Variants in GPC5 observed in about 807,000 individuals in gnomAD.
GPC5 encodes glypican-5.
In GPC5, 47 loss-of-function variants were observed where a neutral mutation model predicts 53.9. That is an observed-to-expected ratio of 0.87 (90% CI 0.69 to 1.11). GPC5 has a LOEUF of 1.11. Among genes scored for constraint, GPC5 ranks in the 50% most tolerant of loss-of-function variants. GPC5 has a pLI of 0.00. For missense variants in GPC5, 748 were observed against 713.1 expected (o/e 1.05, Z -0.56); for synonymous variants, 286 against 263.3 (o/e 1.09, Z -0.84).
intron 7 of GPC5, among the ~76,000 whole-genome samples, chr13:92,317,486 T>TTTTTG (rs1441510958): frequency 3.3e-5 from 5 of 151,968 alleles, no homozygotes; most frequent in East Asian, 3.9e-4. Flanking sequence ...TGTTTTTTGT[T>TTTTTG]TTTTGTTTTG....
chr13:92,519,385 A>T (rs924269762), intron 7 of GPC5, among the ~76,000 whole-genome samples: 1 of 152,006 alleles, frequency 6.6e-6, no homozygotes, highest in Non-Finnish European at 1.5e-5. Context: ...GAAGTAAAAC[A>T]CTCCTCAGCA....
intron 2 of GPC5, among the ~76,000 whole-genome samples, chr13:91,680,513 T>A (rs574041799): frequency 1.3e-5 from 2 of 152,280 alleles, no homozygotes; most frequent in African/African-American, 4.8e-5. Context: ...GCATAACTTA[T>A]GAACTAACAT....
chr13:91,550,626 A>T (rs1288928311), intron 2 of GPC5, among the ~76,000 whole-genome samples: 1 of 152,150 alleles, frequency 6.6e-6, no homozygotes, highest in Non-Finnish European at 1.5e-5. Flanking sequence ...TGGGCACATC[A>T]GAATTGTAGT....
Position 92,708,107 on chromosome 13 carries a change from T to C in GPC5, c.1562-158175T>C, listed in dbSNP as rs150999480. 2.0e-3 allele frequency among the ~76,000 whole-genome samples: 303 copies of C among 152,302 alleles called. 1 individual carries two copies. Among genetic ancestry groups the C allele is most frequent in the African/African-American group, 7.0e-3 (290 of 41,566 alleles). ...CATATATTTTAAGTGTTTATTTCTG[T>C]AGAATCAGCATGAGAAACATATTCT... On this transcript the variant is annotated intron_variant, in intron 7 of 7. Coordinates refer to ENST00000377067, the MANE Select transcript of GPC5 (RefSeq NM_004466.6).
chr13:91,550,119 A>G (rs2030537142), intron 2 of GPC5, among the ~76,000 whole-genome samples: 1 of 152,174 alleles, frequency 6.6e-6, no homozygotes, highest in Non-Finnish European at 1.5e-5. Flanking sequence ...GTGTTTTACT[A>G]CATGAAAAAA....
intron 2 of GPC5, among the ~76,000 whole-genome samples, chr13:91,512,841 A>C (rs185401610): frequency 1.2e-4 from 19 of 152,130 alleles, no homozygotes; most frequent in African/African-American, 4.6e-4. Flanking sequence ...GGTTTTTTGC[A>C]TACTAAGTTC....
At chr13:92,033,713 TAA>T (rs1362875050) in intron 6 of GPC5, among the ~76,000 whole-genome samples, 2 of 152,218 alleles carry the variant, frequency 1.3e-5, no homozygotes, top group African/African-American at 4.8e-5. Flanking sequence ...GGGATGCTTT[TAA>T]CTGCCTGATG....
chr13:92,178,372 T>G (rs948731485), intron 7 of GPC5, among the ~76,000 whole-genome samples: 2 of 151,660 alleles, frequency 1.3e-5, no homozygotes, highest in African/African-American at 4.8e-5. Context: ...GCCACTTTGG[T>G]TAATTTGCCT....
At chr13:92,766,444 T>G (rs1875409390) in intron 7 of GPC5, among the ~76,000 whole-genome samples, 1 of 152,236 alleles carries the variant, frequency 6.6e-6, no homozygotes, top group Non-Finnish European at 1.5e-5. Context: ...GGATAGACTT[T>G]AATTATGATG....
chr13:91,822,052 G>A (rs2038504082), intron 5 of GPC5, among the ~76,000 whole-genome samples: 1 of 152,160 alleles, frequency 6.6e-6, no homozygotes, highest in Admixed American at 6.5e-5. Flanking sequence ...TCAGAGCTCT[G>A]ACTACACCGT....
chr13:91,763,019 C>G (rs2037447723), intron 5 of GPC5, among the ~76,000 whole-genome samples: 2 of 152,174 alleles, frequency 1.3e-5, no homozygotes, highest in Middle Eastern at 3.4e-3. Context: ...CCTGGATTAT[C>G]TAAGAGTCTA....
intron 2 of GPC5, among the ~76,000 whole-genome samples, chr13:91,519,127 A>G (rs762204116): frequency 1.3e-5 from 2 of 152,200 alleles, no homozygotes; most frequent in Non-Finnish European, 2.9e-5. Flanking sequence ...CAATTGGCCT[A>G]TTGAAAGTAA....
intron 7 of GPC5, among the ~76,000 whole-genome samples, chr13:92,355,479 T>C (rs1051821144): frequency 2.4e-4 from 36 of 152,088 alleles, no homozygotes; most frequent in African/African-American, 7.7e-4. Flanking sequence ...TTACACACCA[T>C]TGAGCCTCTG....
At chr13:92,131,346 A>G (rs905390090) in intron 6 of GPC5, among the ~76,000 whole-genome samples, 1 of 151,994 alleles carries the variant, frequency 6.6e-6, no homozygotes, top group African/African-American at 2.4e-5. Context: ...TATATTCAAG[A>G]TCATTGAGTA....
chr13:92,549,261 A>G (rs1256540331), intron 7 of GPC5, among the ~76,000 whole-genome samples: 2 of 152,132 alleles, frequency 1.3e-5, no homozygotes, highest in Non-Finnish European at 2.9e-5. Context: ...CATACCTACT[A>G]AACTGCCACT....
At chr13:92,769,511 G>C (rs1412498467) in intron 7 of GPC5, among the ~76,000 whole-genome samples, 2 of 151,954 alleles carry the variant, frequency 1.3e-5, no homozygotes, top group African/African-American at 2.4e-5. Context: ...GGAAAAGAAG[G>C]GGGATTGTCT....
chr13:92,002,615 T>A (rs1271453132), intron 6 of GPC5, among the ~76,000 whole-genome samples: 1 of 152,062 alleles, frequency 6.6e-6, no homozygotes, highest in African/African-American at 2.4e-5. Flanking sequence ...CACACAAAAA[T>A]AGTAAAAACG....
intron 2 of GPC5, among the ~76,000 whole-genome samples, chr13:91,544,139 G>A (rs1344845534): frequency 6.6e-6 from 1 of 151,918 alleles, no homozygotes; most frequent in Non-Finnish European, 1.5e-5. Context: ...CTGGTGAAAT[G>A]TAAATAAGTT....
intron 6 of GPC5, among the ~76,000 whole-genome samples, chr13:92,039,845 G>C (rs564417179): frequency 1.3e-5 from 2 of 151,834 alleles, no homozygotes; most frequent in Non-Finnish European, 2.9e-5. Context: ...ATATGAATTC[G>C]TTTTACCTTA....
Sources: allele counts gnomAD v4.1 joint callset (sites outside exome capture counted in the v4.1 genomes callset), GRCh38; gene constraint gnomAD v4.1.1; transcripts MANE v1.5; gene names NCBI Gene and HGNC (gene_info 2026-07-23, HGNC 2026-07-21).